Variants in SH3PXD2B observed in about 807,000 individuals in gnomAD.
The protein encoded by SH3PXD2B is SH3 and PX domain-containing protein 2B.
A neutral mutation model predicts 73.1 loss-of-function variants in SH3PXD2B; 37 were observed. The ratio of observed to expected loss-of-function variants is 0.51; its 90% CI spans 0.39 to 0.67. The LOEUF is 0.67. SH3PXD2B is among the 30% of genes least tolerant of loss of function. The pLI is 0.00. For synonymous variants in SH3PXD2B, 457 were observed against 480.5 expected (o/e 0.95, Z 0.64); for missense variants, 1,053 against 1,197.8 (o/e 0.88, Z 1.78).
rs70982391 is a variant in SH3PXD2B, at chr5:172,337,243, A to AC, written c.*1125dup. 1.0e-6 allele frequency: 1 copy of AC among 984,966 alleles called. No homozygotes were observed. Among genetic ancestry groups the AC allele is most frequent in the Non-Finnish European group, 1.2e-6 (1 of 829,842 alleles). 61.0% of individuals were successfully genotyped at this position (984,966 alleles called of 1,614,324 possible). On this transcript the variant is annotated 3_prime_UTR_variant, in exon 13 of 13. Transcript: ENST00000311601. ...TGGGAGCAGCCACGAATGCCCCCTC[A>AC]CCCCCCTCACAATGAAGCCACTTGG...
Position 172,444,146 on chromosome 5 carries a change from C to T in SH3PXD2B, c.75+10132G>A, listed in dbSNP as rs185942749. 2.6e-5 allele frequency among the ~76,000 whole-genome samples: 4 copies of T among 152,338 alleles called. No homozygotes were observed. The East Asian group carries it at 7.7e-4, about 29-fold the overall frequency. Reference sequence around the variant, plus strand: ...ACCGTCGATCTTAATATCCCACTCACACCTGGCCCATAGGGTCAGGTAATC... The same window carrying T: ...ACCGTCGATCTTAATATCCCACTCATACCTGGCCCATAGGGTCAGGTAATC... On this transcript the variant is annotated intron_variant, in intron 1 of 12. Transcript: ENST00000311601.
At chr5:172,369,536 G>A (rs796954770) in intron 6 of SH3PXD2B, among the ~76,000 whole-genome samples, 3 of 152,042 alleles carry the variant, frequency 2.0e-5, no homozygotes, top group Admixed American at 6.6e-5. Context: ...TTGGGAGGCC[G>A]AGGTGGGCGG....
intron 1 of SH3PXD2B, among the ~76,000 whole-genome samples, chr5:172,453,794 C>T (rs1001043892): frequency 1.3e-5 from 2 of 152,316 alleles, no homozygotes; most frequent in Admixed American, 6.5e-5. Context: ...CCGGCTCTTG[C>T]CAAAGAACGG....
At chr5:172,439,293 C>CAAAAAAA (rs1233319484) in intron 1 of SH3PXD2B, among the ~76,000 whole-genome samples, 7 of 61,618 alleles carry the variant, frequency 1.1e-4, no homozygotes, top group African/African-American at 4.1e-4. Flanking sequence ...AAAAAAAAAC[C>CAAAAAAA]CCAAAAAAAA....
intron 2 of SH3PXD2B, among the ~76,000 whole-genome samples, chr5:172,411,970 C>A (rs1758711316): frequency 6.6e-6 from 1 of 151,924 alleles, no homozygotes; most frequent in Non-Finnish European, 1.5e-5. Context: ...ACTCCCCCCT[C>A]TCCCTCCCCC....
rs1030131223 is a variant in SH3PXD2B, at chr5:172,334,511, C to G, written c.*3858G>C. 14 of 985,484 alleles carry G rather than the reference C, an allele frequency of 1.4e-5. No homozygotes were observed. The highest frequency in any genetic ancestry group is 7.0e-5 in the African/African-American group (4 of 57,234). The allele number at this position is 985,484 out of a possible 1,614,324, so 61.0% of individuals were successfully genotyped here. On this transcript the variant is annotated 3_prime_UTR_variant, in exon 13 of 13. Transcript: ENST00000311601. Reference sequence around the variant, plus strand: ...GCCCTGCAGAACGGGCCTGGACAACCCTTGGGGGATAAGACAGCCACACAT... The same window carrying G: ...GCCCTGCAGAACGGGCCTGGACAACGCTTGGGGGATAAGACAGCCACACAT...
At chr5:172,385,236 G>A (rs973241214) in intron 4 of SH3PXD2B, among the ~76,000 whole-genome samples, 1 of 152,140 alleles carries the variant, frequency 6.6e-6, no homozygotes, top group African/African-American at 2.4e-5. Flanking sequence ...GCTGGACTGT[G>A]GTGTGTCCTG....
chr5:172,399,063 C>A (rs1758371457), intron 3 of SH3PXD2B, among the ~76,000 whole-genome samples: 1 of 152,090 alleles, frequency 6.6e-6, no homozygotes, highest in Non-Finnish European at 1.5e-5. Context: ...CTTAAAATTT[C>A]CAGATTTGAT....
intron 4 of SH3PXD2B, among the ~76,000 whole-genome samples, chr5:172,386,579 T>G (rs1221985874): frequency 1.8e-5 from 2 of 114,100 alleles, no homozygotes; most frequent in African/African-American, 8.6e-5. Flanking sequence ...TTGTTGTTGT[T>G]TTATTGTTTT....
At chr5:172,392,747 G>A (rs1581303554) in intron 4 of SH3PXD2B, among the ~76,000 whole-genome samples, 1 of 152,116 alleles carries the variant, frequency 6.6e-6, no homozygotes, top group African/African-American at 2.4e-5. Context: ...ATGGCGCCAC[G>A]GCACTCCAGC....
intron 3 of SH3PXD2B, among the ~76,000 whole-genome samples, chr5:172,396,448 C>G (rs991191771): frequency 9.2e-5 from 14 of 152,046 alleles, no homozygotes; most frequent in Admixed American, 5.2e-4. Flanking sequence ...GAAAAACAAC[C>G]CTACTGACTT....
downstream of SH3PXD2B, among the ~76,000 whole-genome samples, chr5:172,329,696 C>T (rs1452874376): frequency 6.6e-6 from 1 of 151,990 alleles, no homozygotes; most frequent in African/African-American, 2.4e-5. Flanking sequence ...CGCCACCACG[C>T]CCGGCTAATT....
downstream of SH3PXD2B, among the ~76,000 whole-genome samples, chr5:172,332,060 T>C (rs927676329): frequency 2.0e-5 from 3 of 152,180 alleles, no homozygotes; most frequent in African/African-American, 7.2e-5. Flanking sequence ...GCAAGTAGAC[T>C]GCAAAGAGAA....
chr5:172,454,232 G>T (rs779230206), intron 1 of SH3PXD2B, 46 bp downstream of exon 1: 2 of 1,551,060 alleles, frequency 1.3e-6, no homozygotes. Flanking sequence ...GGTCGCCCCC[G>T]ACGGGGCGCG....
At chr5:172,420,588 AG>A (rs749650894) in intron 2 of SH3PXD2B, among the ~76,000 whole-genome samples, 1 of 152,248 alleles carries the variant, frequency 6.6e-6, no homozygotes, top group African/African-American at 2.4e-5. Flanking sequence ...TCTGACGGCC[AG>A]GAAATGTTGA....
intron 4 of SH3PXD2B, among the ~76,000 whole-genome samples, chr5:172,383,256 C>T (rs78576762): frequency 0.068 from 10,342 of 152,246 alleles, 490 homozygotes; most frequent in South Asian, 0.2. Context: ...GGGGTTGAAA[C>T]AGATCTTCCA....
chr5:172,336,221 G>A lies in SH3PXD2B; in HGVS notation c.*2148C>T, dbSNP rs550730178. The stretch of plus-strand genomic sequence containing the variant: ...GAAAAAAACATGTGTTTTGTCTTTT[G>A]AAATGCAGTCAAATCTCACATAGCT... On this transcript the variant is annotated 3_prime_UTR_variant, in exon 13 of 13. Coordinates refer to ENST00000311601, the MANE Select transcript of SH3PXD2B (RefSeq NM_001017995.3). The A allele has an allele frequency of 1.0e-6, 1 of 985,520 alleles. No individual in the cohort carries two copies. Among genetic ancestry groups the A allele is most frequent in the African/African-American group, 1.7e-5 (1 of 57,376 alleles). The allele number at this position is 985,520 out of a possible 1,614,324, so 61.0% of individuals were successfully genotyped here.
At chr5:172,396,493 T>C (rs773148159) in intron 3 of SH3PXD2B, among the ~76,000 whole-genome samples, 1 of 152,140 alleles carries the variant, frequency 6.6e-6, no homozygotes, top group Non-Finnish European at 1.5e-5. Flanking sequence ...TAAAGGAGAT[T>C]TGCACCCTAA....
Position 172,421,065 on chromosome 5 carries a change from T to A in SH3PXD2B, c.156+1351A>T, listed in dbSNP as rs989641101. ...TCACTCGCAACAGAAGCATTCTGAC[T>A]GAAAAGAAGACTGTCACGTCAGGAT... On this transcript the variant is annotated intron_variant, in intron 2 of 12. Coordinates refer to ENST00000311601, the MANE Select transcript of SH3PXD2B (RefSeq NM_001017995.3). The surrounding 1 kb of genome is among the most constrained non-coding windows in gnomAD (Gnocchi z 4.0). Among the ~76,000 whole-genome samples the A allele has an allele frequency of 1.3e-5, 2 of 152,216 alleles. No homozygotes were observed. Among genetic ancestry groups the A allele is most frequent in the Admixed American group, 6.5e-5 (1 of 15,278 alleles).
Sources: gnomAD v4.1 joint callset for allele counts (sites outside exome capture counted in the v4.1 genomes callset) on GRCh38, gnomAD v4.1.1 for gene constraint, Gnocchi (gnomAD v3.1) non-coding constraint, MANE v1.5 for transcripts, NCBI Gene and HGNC (gene_info 2026-07-23, HGNC 2026-07-21) for gene names.